Variants in OAS1 observed in about 807,000 individuals in gnomAD.
OAS1 encodes the protein 2'-5'-oligoadenylate synthetase 1, also known as 2'-5'-oligoadenylate synthase 1.
OAS1 carries 24 observed loss-of-function variants against 38.5 expected under a neutral mutation model. The observed-to-expected ratio is 0.62, with a 90% confidence interval of 0.45 to 0.88. The LOEUF (loss-of-function observed/expected upper bound fraction) is 0.88, where lower values mean the gene tolerates loss of function less well. Ranked by LOEUF, OAS1 falls within the 40% of genes least tolerant of loss-of-function variation. The probability of loss-of-function intolerance (pLI) is 0.00; values close to 1 mark genes in which losing one functional copy is unlikely to be tolerated. For synonymous variants in OAS1, 169 were observed against 193.9 expected, an observed-to-expected ratio of 0.87 and a Z score of 1.07; for missense variants, 482 against 493.9, an observed-to-expected ratio of 0.98 and a Z score of 0.23.
chr12:112,911,330 G>T, intron 3 of OAS1, 95 bp downstream of exon 3: 1 of 967,304 alleles, frequency 1.0e-6, no homozygotes. Flanking sequence ...AAGGGAAGAG[G>T]AGGGGGAGTG....
chr12:112,916,818 G>C, intron 4 of OAS1, 80 bp downstream of exon 4: 4 of 1,075,672 alleles, frequency 3.7e-6, no homozygotes, highest in Non-Finnish European at 5.7e-6. Flanking sequence ...AAATGGAGGA[G>C]GTGGGAGGGC....
chr12:112,913,673 A>G (rs1277883265), intron 3 of OAS1, among the ~76,000 whole-genome samples: 2 of 151,968 alleles, frequency 1.3e-5, no homozygotes, highest in Non-Finnish European at 2.9e-5. Flanking sequence ...TAAAATTTCT[A>G]TTTCATATTT....
In OAS1 at chr12:112,911,043, C is replaced by T. The variant is rs1253409138; in HGVS notation, c.470-8C>T. On this transcript the variant is annotated splice_polypyrimidine_tract_variant and splice_region_variant and intron_variant, in intron 2 of 5. Coordinates refer to ENST00000202917, the MANE Select transcript of OAS1 (RefSeq NM_016816.4). Reference sequence around the variant, plus strand: ...CTGACACCTAAGTTGTAGATTTTGCCCGAACAGGTCAGTTGACTGGCGGCT... The same window carrying T: ...CTGACACCTAAGTTGTAGATTTTGCTCGAACAGGTCAGTTGACTGGCGGCT... 1 of 1,610,962 alleles carries T rather than the reference C, an allele frequency of 6.2e-7. No homozygotes were observed. The highest frequency in any genetic ancestry group is 8.5e-7 in the Non-Finnish European group (1 of 1,177,934).
At chr12:112,922,209 G>A (rs2043534320), downstream of OAS1, among the ~76,000 whole-genome samples, 1 of 152,136 alleles carries the variant, frequency 6.6e-6, no homozygotes, top group Admixed American at 6.5e-5. Flanking sequence ...TATATGCTAT[G>A]GTGTCACAGC....
intron 6 of OAS1, among the ~76,000 whole-genome samples, chr12:112,929,638 G>A (rs1486864371): frequency 6.6e-6 from 1 of 152,194 alleles, no homozygotes; most frequent in African/African-American, 2.4e-5. Context: ...TGAGGTAGGT[G>A]CTATTAACAT....
At chr12:112,926,586 T>C (rs1294400126) in intron 6 of OAS1, among the ~76,000 whole-genome samples, 1 of 151,848 alleles carries the variant, frequency 6.6e-6, no homozygotes, top group African/African-American at 2.4e-5. Context: ...ATATAGGGTG[T>C]GGGTCACAGA....
intron 3 of OAS1, among the ~76,000 whole-genome samples, chr12:112,914,665 T>C (rs575363109): frequency 1.3e-5 from 2 of 152,174 alleles, no homozygotes; most frequent in African/African-American, 4.8e-5. Flanking sequence ...CACATTGTGG[T>C]TTTGATTTGC....
chr12:112,907,916 C>T (rs1026821952), intron 1 of OAS1, among the ~76,000 whole-genome samples: 1 of 152,222 alleles, frequency 6.6e-6, no homozygotes, highest in African/African-American at 2.4e-5. Context: ...AAACCACTCT[C>T]CTCCCTGTAA....
downstream of OAS1, chr12:112,933,111 C>T (rs1423077814): frequency 6.6e-6 from 1 of 152,232 alleles, no homozygotes; most frequent in Non-Finnish European, 1.5e-5. Context: ...CACTGTCTTA[C>T]TGTTGTTTCC....
chr12:112,919,270 T>C (rs566815491), intron 5 of OAS1, 119 bp from the exon 6 acceptor site: 1 of 942,622 alleles, frequency 1.1e-6, no homozygotes. Context: ...TGGGGCTTGT[T>C]AGTCCTTCCT....
At chr12:112,908,964 A>G (rs1052267861) in intron 2 of OAS1, 140 bp downstream of exon 2, 1 of 855,722 alleles carries the variant, frequency 1.2e-6, no homozygotes, top group Non-Finnish European at 1.8e-6. Context: ...CGGGGCAAGA[A>G]TGAATACGGT....
intron 3 of OAS1, among the ~76,000 whole-genome samples, chr12:112,911,559 C>T (rs527726383): frequency 3.3e-5 from 5 of 152,174 alleles, no homozygotes; most frequent in Admixed American, 2.6e-4. Flanking sequence ...CACACACGCA[C>T]GCACACACAC....
chr12:112,931,661 G>C (rs536108147), intron 6 of OAS1, among the ~76,000 whole-genome samples: 1 of 152,278 alleles, frequency 6.6e-6, no homozygotes, highest in East Asian at 1.9e-4. Flanking sequence ...ATCTAAAACT[G>C]TTGCCCCGCA....
chr12:112,919,184 A>C (rs2136325839), intron 5 of OAS1: 1 of 543,914 alleles, frequency 1.8e-6, no homozygotes, highest in East Asian at 3.2e-5. Context: ...CTTTGAGCAA[A>C]AGGCTCTCTG....
chr12:112,916,872 G>A, intron 4 of OAS1, 134 bp downstream of exon 4: 4 of 690,604 alleles, frequency 5.8e-6, no homozygotes, highest in South Asian at 5.0e-5. Context: ...ATTGTACTGG[G>A]CATTTTACTA....
At chr12:112,917,457 A>G (rs1295954415) in intron 4 of OAS1, 90 bp from the exon 5 acceptor site, 19 of 1,548,516 alleles carry the variant, frequency 1.2e-5, no homozygotes, top group African/African-American at 2.7e-5. Context: ...AGTTCATCCC[A>G]TGCTGCTATT....
chr12:112,907,174 C>A lies in OAS1; in HGVS notation c.135C>A (p.Cys45Ter). The A allele has an allele frequency of 1.9e-6, 3 of 1,614,206 alleles. No homozygotes were observed. Among genetic ancestry groups the A allele is most frequent in the Non-Finnish European group, 2.5e-6 (3 of 1,180,052 alleles). Residue 45 changes from cysteine (C) to a stop codon, truncating the protein, a stop_gained, in exon 1 of 6, where the codon TGC becomes TGA. Coordinates refer to ENST00000202917, the MANE Select transcript of OAS1 (RefSeq NM_016816.4). LOFTEE classifies it high-confidence loss of function. ...DIICGFLKER[C>*]FRGSSYPVCV... ...TCTGTGGGTTCCTGAAGGAAAGGTGCTTCCGAGGTAGCTCCTACCCTGTGT... is the reference window on the plus strand; with the variant it reads ...TCTGTGGGTTCCTGAAGGAAAGGTGATTCCGAGGTAGCTCCTACCCTGTGT...
intron 5 of OAS1, chr12:112,917,919 A>C: frequency 6.9e-7 from 1 of 1,443,210 alleles, no homozygotes; most frequent in Admixed American, 2.8e-5. Context: ...CATTCCCCTA[A>C]GAGTAATAAT....
Position 112,919,461 on chromosome 12 carries a change from C to G in OAS1, c.1111C>G (p.His371Asp). Reference protein sequence around the residue: ...RYQKYGYIGTHEYPHFSHRPS... With the variant: ...RYQKYGYIGTDEYPHFSHRPS... The stretch of plus-strand genomic sequence containing the variant: ...TCAGAAATATGGTTACATTGGAACA[C>G]ATGAGTACCCTCATTTCTCTCATAG... The change falls in exon 6 of 6, where the codon CAT becomes GAT. Residue 371 changes from histidine to aspartate, a missense_variant. By Grantham distance (81) the His-to-Asp change is moderately conservative (BLOSUM62 -1). Coordinates refer to ENST00000202917, the MANE Select transcript of OAS1 (RefSeq NM_016816.4). 4 of 1,614,188 alleles carry G rather than the reference C, an allele frequency of 2.5e-6. No individual in the cohort carries two copies. Among genetic ancestry groups the G allele is most frequent in the Non-Finnish European group, 3.4e-6 (4 of 1,180,008 alleles).
Sources: gnomAD v4.1 joint callset for allele counts (sites outside exome capture counted in the v4.1 genomes callset) on GRCh38, gnomAD v4.1.1 for gene constraint, MANE v1.5 for transcripts, NCBI Gene and HGNC (gene_info 2026-07-23, HGNC 2026-07-21) for gene names.